PCDHGB1: variants seen among roughly 807,000 people sequenced by gnomAD.
PCDHGB1 encodes the protein protocadherin gamma-B1.
Under a neutral mutation model 56.6 loss-of-function variants are expected in PCDHGB1, and 34 were observed. The ratio of observed to expected loss-of-function variants is 0.60; its 90% CI spans 0.46 to 0.80. The LOEUF (loss-of-function observed/expected upper bound fraction) is 0.80. Ranked by LOEUF, PCDHGB1 falls within the 30% of genes least tolerant of loss-of-function variation. The pLI is 0.00. For missense variants in PCDHGB1, 1,278 were observed against 1,204.6 expected, an observed-to-expected ratio of 1.06 and a Z score of -0.90; for synonymous variants, 561 against 505.9, an observed-to-expected ratio of 1.11 and a Z score of -1.46.
chr5:141,397,372 G>C (rs1014875277), intron 1 of PCDHGB1, among the ~76,000 whole-genome samples: 1 of 152,012 alleles, frequency 6.6e-6, no homozygotes, highest in Non-Finnish European at 1.5e-5. Context: ...AGATGTTTGG[G>C]GATTGGTATA....
chr5:141,502,250 TA>T (rs2099813542), intron 2 of PCDHGB1, among the ~76,000 whole-genome samples: 1 of 152,242 alleles, frequency 6.6e-6, no homozygotes, highest in African/African-American at 2.4e-5. Flanking sequence ...TCCTTTTTTT[TA>T]ATCCAGGATT....
At chr5:141,372,022 G>A in intron 1 of PCDHGB1, 1 of 1,613,416 alleles carries the variant, frequency 6.2e-7, no homozygotes, top group Non-Finnish European at 8.5e-7. Context: ...CCTACGCTCA[G>A]CGCCAACGTG....
chr5:141,399,431 T>C (rs757950073), intron 1 of PCDHGB1: 1 of 1,613,970 alleles, frequency 6.2e-7, no homozygotes, highest in Non-Finnish European at 8.5e-7. Flanking sequence ...ATAAGCGTCA[T>C]CCTACATATC....
intron 1 of PCDHGB1, among the ~76,000 whole-genome samples, chr5:141,466,554 G>A (rs2099125028): frequency 6.6e-6 from 1 of 152,068 alleles, no homozygotes. Flanking sequence ...TTTGCTGTGG[G>A]CTTCATCTTC....
chr5:141,421,548 G>A, intron 1 of PCDHGB1: 19 of 1,613,984 alleles, frequency 1.2e-5, no homozygotes, highest in Non-Finnish European at 1.6e-5. Flanking sequence ...TTTTAAATAT[G>A]GAACTTCTCG....
intron 1 of PCDHGB1, chr5:141,414,828 G>A (rs780047810): frequency 1.4e-5 from 22 of 1,614,092 alleles, no homozygotes; most frequent in Non-Finnish European, 1.8e-5. Flanking sequence ...GCAACGTGTC[G>A]TTGAGCCTGT....
intron 3 of PCDHGB1, among the ~76,000 whole-genome samples, chr5:141,506,484 C>T (rs1489425559): frequency 6.6e-6 from 1 of 150,566 alleles, no homozygotes; most frequent in Non-Finnish European, 1.5e-5. Context: ...GCTTTAGAGG[C>T]AGGCCAATCT....
chr5:141,366,936 C>A, intron 1 of PCDHGB1: 1 of 864,802 alleles, frequency 1.2e-6, no homozygotes, highest in African/African-American at 1.7e-5. Context: ...TTTGGGAAGT[C>A]TAGCTGATAT....
At chr5:141,406,948 CAT>C (rs777377851) in intron 1 of PCDHGB1, among the ~76,000 whole-genome samples, 2 of 152,096 alleles carry the variant, frequency 1.3e-5, no homozygotes, top group Non-Finnish European at 2.9e-5. Context: ...TTATTTTAAA[CAT>C]AGTGTTGTTT....
At chr5:141,427,992 T>C in intron 1 of PCDHGB1, 1 of 1,599,002 alleles carries the variant, frequency 6.3e-7, no homozygotes, top group Non-Finnish European at 8.6e-7. Context: ...GCCCGATGGC[T>C]CCGCACTCTT....
At chr5:141,365,002 C>G (rs779500238) in intron 1 of PCDHGB1, 2 of 1,613,800 alleles carry the variant, frequency 1.2e-6, no homozygotes, top group African/African-American at 2.7e-5. Flanking sequence ...TACTCTCCGG[C>G]ACCACGCACA....
rs762979829 is a variant in PCDHGB1, at chr5:141,432,863, T to A, written c.2410-61944T>A. 1 of 1,614,074 alleles carries A rather than the reference T, an allele frequency of 6.2e-7. No individual in the cohort carries two copies. Among genetic ancestry groups the A allele is most frequent in the East Asian group, 2.2e-5 (1 of 44,886 alleles). On this transcript the variant is annotated intron_variant, in intron 1 of 3. Coordinates refer to ENST00000523390, the MANE Select transcript of PCDHGB1 (RefSeq NM_018922.3). The surrounding 1 kb of genome is among the most constrained non-coding windows in gnomAD (Gnocchi z 6.0). ...GGTGGTAGCGGTGGCCGCGGTCTCCTGCGTCTTCCTGGCCTTCGTCATCTT... is the reference window on the plus strand; with the variant it reads ...GGTGGTAGCGGTGGCCGCGGTCTCCAGCGTCTTCCTGGCCTTCGTCATCTT...
At chr5:141,409,712 T>C (rs1049603081) in intron 1 of PCDHGB1, 5 of 1,613,122 alleles carry the variant, frequency 3.1e-6, no homozygotes, top group Non-Finnish European at 4.2e-6. Flanking sequence ...GGTGTCGTCA[T>C]ACGTGTCAGT....
chr5:141,366,268 C>G, intron 1 of PCDHGB1: 2 of 1,613,720 alleles, frequency 1.2e-6, no homozygotes, highest in Non-Finnish European at 1.7e-6. Flanking sequence ...TGGTGGCCGT[C>G]GAAGACCATG....
intron 1 of PCDHGB1, chr5:141,366,029 C>A (rs766110369): frequency 6.2e-7 from 1 of 1,614,260 alleles, no homozygotes; most frequent in Non-Finnish European, 8.5e-7. Flanking sequence ...GTACCCCGCC[C>A]TCCCCACAGA....
In PCDHGB1 at chr5:141,432,856, G is replaced by C; in HGVS notation, c.2410-61951G>C. 1 of 1,614,142 alleles carries C rather than the reference G, an allele frequency of 6.2e-7. No homozygotes were observed. The highest frequency in any genetic ancestry group is 1.7e-5 in the Admixed American group (1 of 60,030). On this transcript the variant is annotated intron_variant, in intron 1 of 3. Coordinates refer to ENST00000523390, the MANE Select transcript of PCDHGB1 (RefSeq NM_018922.3). This position sits in a 1 kb window ranked among gnomAD's most constrained non-coding sequence, Gnocchi z 6.0. Reference sequence around the variant, plus strand: ...TGTACCTGGTGGTAGCGGTGGCCGCGGTCTCCTGCGTCTTCCTGGCCTTCG... The same window carrying C: ...TGTACCTGGTGGTAGCGGTGGCCGCCGTCTCCTGCGTCTTCCTGGCCTTCG...
At chr5:141,361,046 A>C (rs779477758) in intron 1 of PCDHGB1, 3 of 1,613,710 alleles carry the variant, frequency 1.9e-6, no homozygotes, top group Non-Finnish European at 2.5e-6. Flanking sequence ...ATCACGACAA[A>C]GGATGATTTG....
At chr5:141,410,086 G>T in intron 1 of PCDHGB1, 1 of 1,612,588 alleles carries the variant, frequency 6.2e-7, no homozygotes, top group Non-Finnish European at 8.5e-7. Flanking sequence ...AGGTGCGCAC[G>T]GCTCGAGCCT....
Position 141,408,922 on chromosome 5 carries a change from G to A in PCDHGB1, c.2409+56253G>A, listed in dbSNP as rs762449366. ...TCAAGGATACCAATGATAACCCCCC[G>A]GTTTTCAGCAGAGACGAATATAGAA... On this transcript the variant is annotated intron_variant, in intron 1 of 3. Coordinates refer to ENST00000523390, the MANE Select transcript of PCDHGB1 (RefSeq NM_018922.3). 3.7e-6 allele frequency: 6 copies of A among 1,613,104 alleles called. No homozygotes were observed. In the Admixed American group the frequency reaches 8.3e-5, roughly 22 times the overall value.
Sources: allele counts gnomAD v4.1 joint callset (sites outside exome capture counted in the v4.1 genomes callset), GRCh38; gene constraint gnomAD v4.1.1; non-coding constraint Gnocchi (gnomAD v3.1); transcripts MANE v1.5; gene names NCBI Gene and HGNC (gene_info 2026-07-23, HGNC 2026-07-21).